ADCY6: variants seen among roughly 807,000 people sequenced by gnomAD.
ADCY6 encodes the protein adenylate cyclase 6.
In ADCY6, 59 loss-of-function variants were observed where a neutral mutation model predicts 111.6. The observed-to-expected ratio is 0.53, with a 90% CI of 0.43 to 0.66. ADCY6 has a LOEUF of 0.66. Among genes scored for constraint, ADCY6 ranks in the 30% least tolerant of loss-of-function variants. ADCY6 has a pLI of 0.00. For missense variants in ADCY6, 1,242 were observed against 1,595.6 expected, an observed-to-expected ratio of 0.78 and a Z score of 3.78; for synonymous variants, 576 against 642.9, an observed-to-expected ratio of 0.90 and a Z score of 1.57.
At chr12:48,772,069 G>T in intron 18 of ADCY6, 96 bp from the exon 19 acceptor site, 1 of 1,489,122 alleles carries the variant, frequency 6.7e-7, no homozygotes, top group Non-Finnish European at 8.9e-7. Context: ...GAATCACATA[G>T]AGAAAGAAAG....
upstream of ADCY6, chr12:48,789,944 G>A (rs1270776263): frequency 6.6e-6 from 1 of 152,218 alleles, no homozygotes; most frequent in African/African-American, 2.4e-5. Context: ...GGCTACTGGG[G>A]TGCATTGCTA....
chr12:48,771,622 C>T lies in ADCY6; in HGVS notation c.3051+88G>A, dbSNP rs3729972. 0.014 allele frequency: 22,340 copies of T among 1,585,984 alleles called. 2,574 individuals are homozygous for T. The African/African-American group carries it at 0.25, about 18-fold the overall frequency. On this transcript the variant is annotated intron_variant, in intron 19 of 21. Transcript: ENST00000357869. The surrounding 1 kb of genome is among the most constrained non-coding windows in gnomAD (Gnocchi z 4.3). The stretch of plus-strand genomic sequence containing the variant: ...ACTCTGGGTCCCATCAAATCTCTCT[C>T]TCTCTTCCCAGTTCCACTCACCCAT...
chr12:48,775,620 C>A, intron 10 of ADCY6, 53 bp downstream of exon 10: 8 of 1,597,728 alleles, frequency 5.0e-6, no homozygotes, highest in South Asian at 1.1e-5. Flanking sequence ...CGGCTCCCCC[C>A]AGCCCCATCC....
chr12:48,778,329 C>T (rs889707291), intron 2 of ADCY6, 72 bp from the exon 3 acceptor site: 5 of 1,595,532 alleles, frequency 3.1e-6, no homozygotes, highest in Non-Finnish European at 4.3e-6. Flanking sequence ...CACACATTCA[C>T]ACAACTTGCT....
Position 48,773,651 on chromosome 12 carries a change from C to CG in ADCY6, c.2443-5dup. ...GCAGCATGTTCCCGATGAAGTACTG[C>CG]GGGGGTGGCAGAGGCAGCGTTGGGT... On this transcript the variant is annotated splice_polypyrimidine_tract_variant and splice_region_variant and intron_variant, in intron 15 of 21. Coordinates refer to ENST00000357869, the MANE Select transcript of ADCY6 (RefSeq NM_015270.5). 6.2e-7 allele frequency: 1 copy of CG among 1,613,958 alleles called. No individual in the cohort carries two copies. Among genetic ancestry groups the CG allele is most frequent in the Non-Finnish European group, 8.5e-7 (1 of 1,179,998 alleles).
intron 1 of ADCY6, among the ~76,000 whole-genome samples, chr12:48,784,329 T>C (rs543445039): frequency 1.4e-5 from 2 of 139,448 alleles, no homozygotes; most frequent in South Asian, 2.3e-4. Flanking sequence ...TAAAATAAAA[T>C]AAAATAAAAT....
rs1941637033 is a variant in ADCY6 at position 48,774,428 on chromosome 12, C to G, written c.2257G>C (p.Val753Leu). Residue 753 changes from valine to leucine, a missense_variant, in exon 14 of 22, where the codon GTG becomes CTG. Transcript: ENST00000357869. ...TAVGIFSVLL[V>L]FTSAIANMFT... is the part of the protein sequence containing the mutation. ...ATGTTGGCAATGGCAGAAGTAAACA[C>G]AAGCAGGACGGAAAAGATGCCAACT... 2 of 1,613,932 alleles carry G rather than the reference C, an allele frequency of 1.2e-6. No homozygotes were observed. The highest frequency in any genetic ancestry group is 8.5e-7 in the Non-Finnish European group (1 of 1,179,956).
chr12:48,770,133 C>T (rs1941495681), intron 20 of ADCY6, among the ~76,000 whole-genome samples: 3 of 147,240 alleles, frequency 2.0e-5, no homozygotes, highest in South Asian at 2.2e-4. Context: ...CTTGAACTCC[C>T]GACCTCATGA....
intron 1 of ADCY6, among the ~76,000 whole-genome samples, chr12:48,784,816 A>C (rs1411318336): frequency 6.6e-6 from 1 of 151,942 alleles, no homozygotes; most frequent in Non-Finnish European, 1.5e-5. Flanking sequence ...GGCGCCTGCC[A>C]CCATGCCCAG....
At chr12:48,769,737 C>T (rs928067579) in intron 20 of ADCY6, among the ~76,000 whole-genome samples, 2 of 150,686 alleles carry the variant, frequency 1.3e-5, no homozygotes, top group Non-Finnish European at 2.9e-5. Flanking sequence ...CAGACATGTA[C>T]CACCACACCC....
At chr12:48,786,275 C>T (rs1204410492) in intron 1 of ADCY6, among the ~76,000 whole-genome samples, 1 of 152,174 alleles carries the variant, frequency 6.6e-6, no homozygotes, top group East Asian at 1.9e-4. Context: ...TCTCTGCATA[C>T]CCCAAACCTC....
rs371908452 is a variant in ADCY6, at chr12:48,768,135, T to C, written c.*456A>G. 1.4e-5 allele frequency: 3 copies of C among 221,150 alleles called. No homozygotes were observed. The highest frequency in any genetic ancestry group is 1.2e-4 in the East Asian group (1 of 8,010). 13.7% of individuals were successfully genotyped at this position (221,150 alleles called of 1,614,324 possible). A position where few individuals can be genotyped will look rare whatever the true frequency, so the allele number is the denominator to read the frequency against. ...AGGTATTGCAAAGGCAAGCATGGAATAGGCACTCCTCATGCCTGTCTTTGT... is the reference window on the plus strand; with the variant it reads ...AGGTATTGCAAAGGCAAGCATGGAACAGGCACTCCTCATGCCTGTCTTTGT... On this transcript the variant is annotated 3_prime_UTR_variant, in exon 22 of 22. Coordinates refer to ENST00000357869, the MANE Select transcript of ADCY6 (RefSeq NM_015270.5).
chr12:48,786,694 A>C (rs560547065), intron 1 of ADCY6, among the ~76,000 whole-genome samples: 3 of 152,156 alleles, frequency 2.0e-5, no homozygotes, highest in South Asian at 4.1e-4. Context: ...CAACAGCACC[A>C]TCTGGAAGGA....
At chr12:48,786,503 C>T (rs1241679867) in intron 1 of ADCY6, among the ~76,000 whole-genome samples, 2 of 152,140 alleles carry the variant, frequency 1.3e-5, no homozygotes, top group Non-Finnish European at 1.5e-5. Flanking sequence ...GCTGAGATTA[C>T]AAGCACCTAC....
At chr12:48,787,110 T>C (rs1941991694) in intron 1 of ADCY6, among the ~76,000 whole-genome samples, 2 of 152,198 alleles carry the variant, frequency 1.3e-5, no homozygotes. Context: ...AGTCCCTGTG[T>C]CCTTGGCTGT....
At chr12:48,775,191 T>C (rs1941662890) in intron 11 of ADCY6, 112 bp downstream of exon 11, 1 of 1,509,508 alleles carries the variant, frequency 6.6e-7, no homozygotes, top group African/African-American at 1.4e-5. Context: ...CCCTGCTCTG[T>C]GGTCCCTTCT....
intron 2 of ADCY6, among the ~76,000 whole-genome samples, chr12:48,781,555 C>T (rs1317144461): frequency 6.6e-6 from 1 of 152,210 alleles, no homozygotes; most frequent in South Asian, 2.1e-4. Flanking sequence ...AACCCCTTCA[C>T]TGGGTACCAT....
chr12:48,783,496 C>A, intron 1 of ADCY6, 58 bp from the exon 2 acceptor site: 1 of 1,607,136 alleles, frequency 6.2e-7, no homozygotes, highest in Non-Finnish European at 8.5e-7. Context: ...GGTATTAATA[C>A]CACCATCACA....
chr12:48,784,055 C>G (rs1020490096), intron 1 of ADCY6: 1 of 153,210 alleles, frequency 6.5e-6, no homozygotes, highest in African/African-American at 2.4e-5. Flanking sequence ...GCACTCCAGC[C>G]TGGGTGACAG....
Sources: allele counts gnomAD v4.1 joint callset (sites outside exome capture counted in the v4.1 genomes callset), GRCh38; gene constraint gnomAD v4.1.1; non-coding constraint Gnocchi (gnomAD v3.1); transcripts MANE v1.5; gene names NCBI Gene and HGNC (gene_info 2026-07-23, HGNC 2026-07-21).